BACH2: variants seen among roughly 807,000 people sequenced by gnomAD.
BACH2 encodes the protein transcription regulator protein BACH2.
Under a neutral mutation model 61.8 loss-of-function variants are expected in BACH2, and 5 were observed. The observed-to-expected ratio is 0.08, with a 90% CI of 0.04 to 0.17. The LOEUF is 0.17. BACH2 is among the 10% of genes least tolerant of loss of function. The probability of loss-of-function intolerance (pLI) is 1.00; values close to 1 mark genes in which losing one functional copy is unlikely to be tolerated. For missense variants in BACH2, 824 were observed against 1,091.1 expected, an observed-to-expected ratio of 0.76 and a Z score of 3.45; for synonymous variants, 446 against 440.1, an observed-to-expected ratio of 1.01 and a Z score of -0.17.
chr6:90,233,507 T>C (rs1040116241), intron 3 of BACH2, among the ~76,000 whole-genome samples: 2 of 152,224 alleles, frequency 1.3e-5, no homozygotes, highest in Non-Finnish European at 2.9e-5. Context: ...TTTTGCATCC[T>C]TTAATGGCTA....
rs200173597 is a variant in BACH2, at chr6:90,196,933, A to T, written c.-162+9636T>A. ...CAAATCTCTGCATTTAAAAGTAAAC[A>T]TCATTTACTAGATGTCTACTGGACT... On this transcript the variant is annotated intron_variant, in intron 4 of 8. Transcript: ENST00000257749. Among the ~76,000 whole-genome samples the T allele has an allele frequency of 1.6e-4, 25 of 152,326 alleles. No individual in the cohort carries two copies. In the East Asian group the frequency reaches 4.8e-3, roughly 29 times the overall value.
intron 5 of BACH2, among the ~76,000 whole-genome samples, chr6:90,027,504 A>C (rs150801288): frequency 0.019 from 2,935 of 152,344 alleles, 43 homozygotes; most frequent in Non-Finnish European, 0.03. Flanking sequence ...CATTATAAAA[A>C]GTCAGAATTG....
chr6:90,008,524 T>C lies in BACH2; in HGVS notation c.243+78A>G. 5 of 1,571,630 alleles carry C rather than the reference T, an allele frequency of 3.2e-6. No homozygotes were observed. Among genetic ancestry groups the C allele is most frequent in the African/African-American group, 1.3e-5 (1 of 74,312 alleles). ...GAGTGGGGACATGGCACCTAGTACATCTTCTAGCTCCTAGTCAGCCAGTTT... is the reference window on the plus strand; with the variant it reads ...GAGTGGGGACATGGCACCTAGTACACCTTCTAGCTCCTAGTCAGCCAGTTT... On this transcript the variant is annotated intron_variant, in intron 6 of 8. Transcript: ENST00000257749. The surrounding 1 kb of genome is among the most constrained non-coding windows in gnomAD (Gnocchi z 4.1).
At chr6:90,295,974 T>G (rs1166901707) in intron 1 of BACH2, among the ~76,000 whole-genome samples, 1 of 152,108 alleles carries the variant, frequency 6.6e-6, no homozygotes, top group Non-Finnish European at 1.5e-5. Flanking sequence ...CAGCCCGGGA[T>G]GCGCACGCCG....
intron 4 of BACH2, among the ~76,000 whole-genome samples, chr6:90,097,426 C>T (rs1159950931): frequency 6.6e-6 from 1 of 152,182 alleles, no homozygotes; most frequent in Non-Finnish European, 1.5e-5. Flanking sequence ...GAGGGCTTAA[C>T]ATCTGCTTTG....
chr6:89,936,659 G>C (rs1157477765), intron 8 of BACH2, among the ~76,000 whole-genome samples: 1 of 152,106 alleles, frequency 6.6e-6, no homozygotes, highest in Non-Finnish European at 1.5e-5. Context: ...TTGGTGATGG[G>C]AGCTGCTAAA....
chr6:90,062,437 T>G (rs1033206555), intron 5 of BACH2, among the ~76,000 whole-genome samples: 25 of 152,204 alleles, frequency 1.6e-4, no homozygotes, highest in African/African-American at 6.0e-4. Flanking sequence ...GACTTCTAGT[T>G]TGGTCTCGTA....
chr6:90,072,084 T>C (rs905364169), intron 5 of BACH2, among the ~76,000 whole-genome samples: 3 of 152,172 alleles, frequency 2.0e-5, no homozygotes, highest in Non-Finnish European at 2.9e-5. Flanking sequence ...TCCACGTATA[T>C]GTGGACCCAC....
intron 5 of BACH2, among the ~76,000 whole-genome samples, chr6:90,023,202 G>A (rs571697410): frequency 6.6e-6 from 1 of 152,246 alleles, no homozygotes; most frequent in East Asian, 1.9e-4. Flanking sequence ...GGAGTGATAT[G>A]GTTTGGATCT....
intron 1 of BACH2, among the ~76,000 whole-genome samples, chr6:90,286,790 T>C (rs1772030785): frequency 6.6e-6 from 1 of 152,026 alleles, no homozygotes; most frequent in South Asian, 2.1e-4. Flanking sequence ...AAAATCTTTA[T>C]ACTTACCGGT....
chr6:90,093,005 C>G (rs1782237885), intron 4 of BACH2, among the ~76,000 whole-genome samples: 1 of 152,128 alleles, frequency 6.6e-6, no homozygotes, highest in African/African-American at 2.4e-5. Flanking sequence ...CAGCCCCCAA[C>G]TCCCAGAGAT....
chr6:90,128,367 G>C (rs1338449223), intron 4 of BACH2, among the ~76,000 whole-genome samples: 1 of 152,142 alleles, frequency 6.6e-6, no homozygotes, highest in Non-Finnish European at 1.5e-5. Context: ...TGGATCACGA[G>C]GTAAAGAGAT....
intron 5 of BACH2, among the ~76,000 whole-genome samples, chr6:90,014,464 ATATATTTTTTTTTT>A (rs1380767288): frequency 1.2e-4 from 7 of 56,406 alleles, no homozygotes; most frequent in African/African-American, 3.2e-4. Flanking sequence ...ATATATATAT[ATATATTTTTTTTTT>A]TTTTTTTTTT....
chr6:90,065,349 G>A (rs929246073), intron 5 of BACH2, among the ~76,000 whole-genome samples: 6 of 140,782 alleles, frequency 4.3e-5, no homozygotes, highest in Non-Finnish European at 7.5e-5. Context: ...CCTGGAGGAT[G>A]AGAGAACATG....
chr6:90,243,084 AG>A (rs1770510696), intron 3 of BACH2, among the ~76,000 whole-genome samples: 1 of 137,762 alleles, frequency 7.3e-6, no homozygotes, highest in South Asian at 2.3e-4. Context: ...AGTAGAGACA[AG>A]GTTTCTCCAT....
chr6:90,189,375 G>A (rs1377044900), intron 4 of BACH2, among the ~76,000 whole-genome samples: 4 of 151,598 alleles, frequency 2.6e-5, no homozygotes, highest in Non-Finnish European at 4.4e-5. Context: ...TTGGGAGGCC[G>A]AGGCGGGTGG....
rs1316138724 is a variant in BACH2, at chr6:89,928,883, T to A, written c.*3525A>T. 6.6e-6 allele frequency: 1 copy of A among 152,120 alleles called. No individual in the cohort carries two copies. Among genetic ancestry groups the A allele is most frequent in the Non-Finnish European group, 1.5e-5 (1 of 67,930 alleles). The allele number at this position is 152,120 out of a possible 1,614,324, so 9.4% of individuals were successfully genotyped here. A position where few individuals can be genotyped will look rare whatever the true frequency, so the allele number is the denominator to read the frequency against. On this transcript the variant is annotated 3_prime_UTR_variant, in exon 9 of 9. Coordinates refer to ENST00000257749, the MANE Select transcript of BACH2 (RefSeq NM_021813.4). ...TTTGTCGGTTTTTTTTTTTTTAAAG[T>A]TTTTCTAACTGTTTTGTTCCAGAAT...
intron 1 of BACH2, among the ~76,000 whole-genome samples, chr6:90,275,785 G>C (rs963837495): frequency 6.6e-6 from 1 of 152,104 alleles, no homozygotes; most frequent in African/African-American, 2.4e-5. Context: ...AGACCAGCCT[G>C]GCCAATATGG....
rs137941646 is a variant in BACH2, at chr6:89,934,183, C to T, written c.2044-1293G>A. Among the ~76,000 whole-genome samples, 247 of 152,216 alleles carry T rather than the reference C, an allele frequency of 1.6e-3. 2 individuals carry two copies. The highest frequency in any genetic ancestry group is 5.6e-3 in the African/African-American group (234 of 41,534). On this transcript the variant is annotated intron_variant, in intron 8 of 8. Coordinates refer to ENST00000257749, the MANE Select transcript of BACH2 (RefSeq NM_021813.4). ...TGCAGTCTGGAGCAGCGATTCTCCC[C>T]GACTTGGGAAGGGAGAAGTAAGGAT...
Sources: gnomAD v4.1 joint callset for allele counts (sites outside exome capture counted in the v4.1 genomes callset) on GRCh38, gnomAD v4.1.1 for gene constraint, Gnocchi (gnomAD v3.1) non-coding constraint, MANE v1.5 for transcripts, NCBI Gene and HGNC (gene_info 2026-07-23, HGNC 2026-07-21) for gene names.